RASGRP2: variants seen among roughly 807,000 people sequenced by gnomAD.
RASGRP2 encodes the protein RAS guanyl-releasing protein 2.
In RASGRP2, 44 loss-of-function variants were observed where a neutral mutation model predicts 71.0. The observed-to-expected ratio is 0.62, with a 90% CI of 0.49 to 0.80. The LOEUF (loss-of-function observed/expected upper bound fraction) is 0.80. RASGRP2 is among the 30% of genes least tolerant of loss of function. The pLI is 0.00. For missense variants in RASGRP2, 663 were observed against 813.4 expected, an observed-to-expected ratio of 0.82 and a Z score of 2.25; for synonymous variants, 350 against 330.7, an observed-to-expected ratio of 1.06 and a Z score of -0.63.
rs75690158 is a variant in RASGRP2 at position 64,736,418 on chromosome 11, G to A, written c.1095+335C>T. On this transcript the variant is annotated intron_variant, in intron 9 of 16. Coordinates refer to ENST00000394432, the MANE Select transcript of RASGRP2 (RefSeq NM_001098671.2). Reference sequence around the variant, plus strand: ...AAAGCCAAGCCCAGAACTTCACTCCGAGCCCAGGGCCATGCTTAGAAACCA... The same window carrying A: ...AAAGCCAAGCCCAGAACTTCACTCCAAGCCCAGGGCCATGCTTAGAAACCA... 5.7e-3 allele frequency among the ~76,000 whole-genome samples: 864 copies of A among 152,008 alleles called. 5 individuals carry two copies. The highest frequency in any genetic ancestry group is 0.02 in the African/African-American group (832 of 41,424).
chr11:64,742,782 C>A lies in RASGRP2; in HGVS notation c.73+12G>T. The A allele has an allele frequency of 6.2e-7, 1 of 1,600,102 alleles. No individual in the cohort carries two copies. ...TAGGCTCAGGCTCCGTGTGCCCTCC[C>A]GAGCCACTCACCGAAGGCTTCGATG... On this transcript the variant is annotated intron_variant, in intron 2 of 16. Transcript: ENST00000394432. This position sits in a 1 kb window ranked among gnomAD's most constrained non-coding sequence, Gnocchi z 4.7.
At position 64,742,083 on chromosome 11, in the gene RASGRP2, G is replaced by T; in HGVS notation, c.103C>A (p.Leu35Met). Residue 35 changes from leucine (L) to methionine (M), a missense_variant, in exon 3 of 17, where the codon CTG becomes ATG. Physicochemically the swap from Leu to Met is conservative, Grantham distance 15. Transcript: ENST00000394432. The surrounding 1 kb of genome is among the most constrained non-coding windows in gnomAD (Gnocchi z 4.7). Reference sequence around the variant, plus strand: ...TGCATCATGAGGAACATGCGCACCAGCTGCGGGTCCCGCACCTTCCCGGAG... The same window carrying T: ...TGCATCATGAGGAACATGCGCACCATCTGCGGGTCCCGCACCTTCCCGGAG... The part of the protein sequence containing the change: ...DDSGKVRDPQ[L>M]VRMFLMMHPW... 6.2e-7 allele frequency: 1 copy of T among 1,606,718 alleles called. No homozygotes were observed. Among genetic ancestry groups the T allele is most frequent in the African/African-American group, 1.3e-5 (1 of 74,942 alleles).
intron 3 of RASGRP2, 155 bp from the exon 4 acceptor site, chr11:64,741,656 G>A (rs1489165912): frequency 2.7e-6 from 2 of 750,366 alleles, no homozygotes; most frequent in African/African-American, 3.5e-5. Flanking sequence ...TCTGGGAGGG[G>A]TTGGAGGTGG....
In RASGRP2 at chr11:64,727,136, G is replaced by A. The variant is rs71581751; in HGVS notation, c.*7-5C>T. The A allele has an allele frequency of 1.7e-5, 11 of 651,282 alleles. No homozygotes were observed. In the Middle Eastern group the frequency reaches 1.3e-3, roughly 75 times the overall value. 40.3% of individuals were successfully genotyped at this position (651,282 alleles called of 1,614,324 possible). A position where few individuals can be genotyped will look rare whatever the true frequency, so the allele number is the denominator to read the frequency against. On this transcript the variant is annotated splice_region_variant and splice_polypyrimidine_tract_variant and intron_variant, in intron 16 of 16. Transcript: ENST00000394432. Reference sequence around the variant, plus strand: ...GAGTCCTTGATCCAACCACAGCTGGGAAGAGAAAAACAGGTTGTGAGGAAG... The same window carrying A: ...GAGTCCTTGATCCAACCACAGCTGGAAAGAGAAAAACAGGTTGTGAGGAAG...
chr11:64,731,047 G>A (rs1206847123), intron 12 of RASGRP2, among the ~76,000 whole-genome samples: 1 of 152,174 alleles, frequency 6.6e-6, no homozygotes, highest in Non-Finnish European at 1.5e-5. Flanking sequence ...GGAGCATTAG[G>A]ATAACTGGCT....
At chr11:64,730,271 T>G in intron 12 of RASGRP2, 77 bp from the exon 13 acceptor site, 1 of 1,527,022 alleles carries the variant, frequency 6.5e-7, no homozygotes, top group Admixed American at 2.0e-5. Flanking sequence ...CATCCCACTG[T>G]TCCCAGTGTC....
chr11:64,743,904 C>T lies in RASGRP2; in HGVS notation c.-72+99G>A, dbSNP rs1278581157. ...GTGCAGGCGTCCGCACTTACACGCA[C>T]CGGGCCACAGGCACCGGCCTCCCAT... is the stretch of plus-strand genomic sequence containing the variant. On this transcript the variant is annotated intron_variant, in intron 1 of 16. Coordinates refer to ENST00000394432, the MANE Select transcript of RASGRP2 (RefSeq NM_001098671.2). This position sits in a 1 kb window ranked among gnomAD's most constrained non-coding sequence, Gnocchi z 4.9. 2.3e-6 allele frequency: 2 copies of T among 885,338 alleles called. No individual in the cohort carries two copies. Among genetic ancestry groups the T allele is most frequent in the African/African-American group, 3.7e-5 (2 of 54,628 alleles). 54.8% of individuals were successfully genotyped at this position (885,338 alleles called of 1,614,324 possible). A position where few individuals can be genotyped will look rare whatever the true frequency, so the allele number is the denominator to read the frequency against.
At chr11:64,732,032 T>C (rs2057780813) in intron 12 of RASGRP2, among the ~76,000 whole-genome samples, 1 of 152,206 alleles carries the variant, frequency 6.6e-6, no homozygotes, top group South Asian at 2.1e-4. Context: ...ACAGTCTAAC[T>C]GTCCATCAGC....
Position 64,727,139 on chromosome 11 carries a change from G to A in RASGRP2, c.*7-8C>T. The stretch of plus-strand genomic sequence containing the variant: ...TCCTTGATCCAACCACAGCTGGGAA[G>A]AGAAAAACAGGTTGTGAGGAAGACA... On this transcript the variant is annotated splice_region_variant and splice_polypyrimidine_tract_variant and intron_variant, in intron 16 of 16. Transcript: ENST00000394432. The A allele has an allele frequency of 1.6e-6, 1 of 627,268 alleles. No individual in the cohort carries two copies. The highest frequency in any genetic ancestry group is 2.9e-6 in the Non-Finnish European group (1 of 340,442). The allele number at this position is 627,268 out of a possible 1,614,324, so 38.9% of individuals were successfully genotyped here. A position where few individuals can be genotyped will look rare whatever the true frequency, so the allele number is the denominator to read the frequency against.
chr11:64,729,797 A>T lies in RASGRP2; in HGVS notation c.1556T>A (p.Ile519Asn), dbSNP rs1258895334. The change falls in exon 14 of 17, where the codon ATC (isoleucine) becomes AAC (asparagine). Residue 519 changes from isoleucine (I) to asparagine (N), a missense_variant and splice_region_variant. Coordinates refer to ENST00000394432, the MANE Select transcript of RASGRP2 (RefSeq NM_001098671.2). ...GAGGCCCTGCTTGTAGATGCCCAGGATCTGCAATAGAGGAGGGGCCGTGGT... is the reference window on the plus strand; with the variant it reads ...GAGGCCCTGCTTGTAGATGCCCAGGTTCTGCAATAGAGGAGGGGCCGTGGT... The part of the protein sequence containing the change: ...PVACRHCKAL[I>N]LGIYKQGLKC... The T allele has an allele frequency of 6.2e-7, 1 of 1,614,038 alleles. No homozygotes were observed. Among genetic ancestry groups the T allele is most frequent in the Non-Finnish European group, 8.5e-7 (1 of 1,179,968 alleles).
chr11:64,730,824 A>G (rs1479774917), intron 12 of RASGRP2, among the ~76,000 whole-genome samples: 1 of 152,202 alleles, frequency 6.6e-6, no homozygotes, highest in Non-Finnish European at 1.5e-5. Flanking sequence ...TTCCTTATCT[A>G]TAAATGGGTG....
At chr11:64,738,344 T>C (rs1041318725) in intron 8 of RASGRP2, among the ~76,000 whole-genome samples, 1 of 152,080 alleles carries the variant, frequency 6.6e-6, no homozygotes, top group Non-Finnish European at 1.5e-5. Flanking sequence ...TGCTGGGCGC[T>C]TGGGGGCCTG....
At chr11:64,737,783 G>A (rs1361643710) in intron 8 of RASGRP2, among the ~76,000 whole-genome samples, 2 of 151,996 alleles carry the variant, frequency 1.3e-5, no homozygotes, top group African/African-American at 4.8e-5. Context: ...GCTGGGGGCA[G>A]TGGCTCACAC....
At chr11:64,737,099 G>C in intron 8 of RASGRP2, 65 bp from the exon 9 acceptor site, 1 of 1,589,232 alleles carries the variant, frequency 6.3e-7, no homozygotes, top group Non-Finnish European at 8.6e-7. Flanking sequence ...CCCTGGAAAT[G>C]TAGGAGGGGG....
chr11:64,741,863 C>T (rs1026483335), intron 3 of RASGRP2, 147 bp downstream of exon 3: 3 of 744,278 alleles, frequency 4.0e-6, no homozygotes, highest in Admixed American at 2.0e-5. Context: ...GAGCCTAGGC[C>T]CTAGTTGGAG....
intron 12 of RASGRP2, among the ~76,000 whole-genome samples, chr11:64,732,882 G>A (rs914936518): frequency 3.3e-5 from 5 of 150,744 alleles, no homozygotes; most frequent in African/African-American, 4.9e-5. Flanking sequence ...CCCGGGAGGC[G>A]GAGGTTGCAG....
chr11:64,743,102 C>G lies in RASGRP2; in HGVS notation c.-71-165G>C. On this transcript the variant is annotated intron_variant, in intron 1 of 16. Coordinates refer to ENST00000394432, the MANE Select transcript of RASGRP2 (RefSeq NM_001098671.2). The surrounding 1 kb of genome is among the most constrained non-coding windows in gnomAD (Gnocchi z 4.9). ...CGGTCTGGCCCGGGATGGTGCAACC[C>G]GCCAGTTGGGAAACGGACCCGCAGA... The G allele has an allele frequency of 1.2e-6, 1 of 800,312 alleles. No homozygotes were observed. Among genetic ancestry groups the G allele is most frequent in the Non-Finnish European group, 2.1e-6 (1 of 480,004 alleles). 49.6% of individuals were successfully genotyped at this position (800,312 alleles called of 1,614,324 possible). A position where few individuals can be genotyped will look rare whatever the true frequency, so the allele number is the denominator to read the frequency against.
upstream of RASGRP2, chr11:64,744,334 C>A (rs1380709676): frequency 2.5e-5 from 25 of 984,998 alleles, no homozygotes; most frequent in Non-Finnish European, 2.9e-5. Context: ...CATACTCACT[C>A]CCCCAGGCTG....
At chr11:64,727,530 T>G (rs1283228836) in intron 15 of RASGRP2, among the ~76,000 whole-genome samples, 170 bp from the exon 16 acceptor site, 11 of 64,636 alleles carry the variant, frequency 1.7e-4, no homozygotes, top group African/African-American at 5.2e-4. Context: ...TTTTTTTTTT[T>G]GAGACAGAGT....
Sources: gnomAD v4.1 joint callset for allele counts (sites outside exome capture counted in the v4.1 genomes callset) on GRCh38, gnomAD v4.1.1 for gene constraint, Gnocchi (gnomAD v3.1) non-coding constraint, MANE v1.5 for transcripts, NCBI Gene and HGNC (gene_info 2026-07-23, HGNC 2026-07-21) for gene names.